CDH9: variants seen among roughly 807,000 people sequenced by gnomAD.
CDH9 encodes the protein cadherin-9.
A neutral mutation model predicts 70.9 loss-of-function variants in CDH9; 28 were observed. The ratio of observed to expected loss-of-function variants is 0.40; its 90% CI spans 0.29 to 0.54. CDH9 has a LOEUF of 0.54. Ranked by LOEUF, CDH9 falls within the 20% of genes least tolerant of loss-of-function variation. CDH9 has a pLI of 0.59. For synonymous variants in CDH9, 409 were observed against 343.1 expected, an observed-to-expected ratio of 1.19 and a Z score of -2.12; for missense variants, 874 against 984.4, an observed-to-expected ratio of 0.89 and a Z score of 1.50.
At position 26,988,130 on chromosome 5, in the gene CDH9, A is replaced by T. The variant is rs1561030340; in HGVS notation, c.204T>A (p.Gly68=). ...CCTTGCCTACATATTGTGTGTCAGT[A>T]CCTGTGTACTCTTCCAATAAGAAGA... ...NQFFLLEEYT[G]TDTQYVGKLH... is the part of the protein sequence containing the mutation. Residue 68 remains glycine, a synonymous_variant, in exon 2 of 12, where the codon GGT becomes GGA. Transcript: ENST00000231021. 6.2e-7 allele frequency: 1 copy of T among 1,612,324 alleles called. No individual in the cohort carries two copies. The highest frequency in any genetic ancestry group is 1.7e-5 in the Admixed American group (1 of 59,870).
chr5:26,974,191 G>C (rs1742267048), intron 2 of CDH9, among the ~76,000 whole-genome samples: 1 of 152,118 alleles, frequency 6.6e-6, no homozygotes, highest in African/African-American at 2.4e-5. Context: ...TTGCAGAGAT[G>C]AGATTGCGCC....
intron 1 of CDH9, among the ~76,000 whole-genome samples, chr5:27,007,696 G>A (rs1382214894): frequency 1.3e-5 from 2 of 151,986 alleles, no homozygotes; most frequent in Non-Finnish European, 2.9e-5. Flanking sequence ...TAATATTTGT[G>A]TATCTTAATT....
intron 2 of CDH9, among the ~76,000 whole-genome samples, chr5:26,980,728 T>A (rs1579491549): frequency 1.3e-5 from 2 of 152,134 alleles, no homozygotes; most frequent in East Asian, 3.9e-4. Context: ...TTAAGCTAAA[T>A]ACAGTTTATG....
At chr5:26,964,508 A>T (rs1247119434) in intron 2 of CDH9, among the ~76,000 whole-genome samples, 1 of 152,218 alleles carries the variant, frequency 6.6e-6, no homozygotes, top group African/African-American at 2.4e-5. Flanking sequence ...CCAACCAATG[A>T]ACCAACCAAC....
intron 2 of CDH9, among the ~76,000 whole-genome samples, chr5:26,941,918 C>A (rs1415872549): frequency 6.6e-6 from 1 of 152,176 alleles, no homozygotes; most frequent in Non-Finnish European, 1.5e-5. Flanking sequence ...GAACTCTCTG[C>A]AGAGTGGCAC....
chr5:26,933,406 G>A (rs1366781071), intron 2 of CDH9, among the ~76,000 whole-genome samples: 3 of 151,746 alleles, frequency 2.0e-5, no homozygotes, highest in Admixed American at 1.3e-4. Context: ...TCGACAATGA[G>A]AGATCATAAA....
intron 6 of CDH9, 82 bp downstream of exon 6, chr5:26,903,555 C>G (rs779948720): frequency 1.1e-6 from 1 of 905,724 alleles, no homozygotes; most frequent in South Asian, 1.3e-5. Flanking sequence ...GAAAATAAAT[C>G]CCAGGCTTTT....
chr5:26,884,286 A>C (rs564339850), intron 11 of CDH9, among the ~76,000 whole-genome samples: 1 of 152,170 alleles, frequency 6.6e-6, no homozygotes, highest in East Asian at 1.9e-4. Context: ...TCAGTTCCCT[A>C]TGTGTGCATG....
At chr5:26,940,050 TCAGGAGACTGAGG>T (rs750657277) in intron 2 of CDH9, among the ~76,000 whole-genome samples, 68 of 151,654 alleles carry the variant, frequency 4.5e-4, no homozygotes, top group Non-Finnish European at 3.8e-4. Context: ...TCCCAGCTAG[TCAGGAGACTGAGG>T]CAGGAGACTG....
chr5:26,949,899 A>G (rs1382933), intron 2 of CDH9, among the ~76,000 whole-genome samples: 140,409 of 152,248 alleles, frequency 0.92, 64,798 homozygotes, highest in East Asian at 0.99. Context: ...GTGGAAAACA[A>G]CTTATTCATT....
intron 1 of CDH9, among the ~76,000 whole-genome samples, chr5:27,035,830 T>C (rs1313911550): frequency 1.3e-5 from 2 of 151,708 alleles, no homozygotes; most frequent in Non-Finnish European, 2.9e-5. Context: ...AATGTGCCTT[T>C]GAGTGAGCAA....
At chr5:26,905,809 GTGT>G in intron 5 of CDH9, 147 bp downstream of exon 5, 2 of 522,150 alleles carry the variant, frequency 3.8e-6, no homozygotes, top group Non-Finnish European at 6.5e-6. Flanking sequence ...GTGGGAAATT[GTGT>G]TTTTTTTTTG....
At chr5:26,946,528 A>G (rs977437161) in intron 2 of CDH9, among the ~76,000 whole-genome samples, 7 of 152,184 alleles carry the variant, frequency 4.6e-5, no homozygotes, top group Admixed American at 4.6e-4. Flanking sequence ...TTTGCTAGTA[A>G]GTGGCAAGTT....
intron 2 of CDH9, among the ~76,000 whole-genome samples, chr5:26,970,401 T>C (rs1456534346): frequency 6.6e-6 from 1 of 152,096 alleles, no homozygotes; most frequent in Non-Finnish European, 1.5e-5. Flanking sequence ...TAGGTTTATC[T>C]ATAGTTTTCT....
chr5:26,908,225 T>G (rs1463210969), intron 3 of CDH9, among the ~76,000 whole-genome samples: 1 of 152,164 alleles, frequency 6.6e-6, no homozygotes, highest in Non-Finnish European at 1.5e-5. Flanking sequence ...AGCTGTAAGC[T>G]TTTATCATTA....
In CDH9 at chr5:26,915,857, C is replaced by T. The variant is rs1741138960; in HGVS notation, c.296G>A (p.Ser99Asn). ...KYILTGDGAG[S>N]LFVIDENTGD... ...TGTATTTTCATCTATAACAAATAGA[C>T]TGCCAGCCCCATCTCCTGTTAGTAT... Residue 99 changes from serine to asparagine, a missense_variant, in exon 3 of 12, where the codon AGT (serine) becomes AAT (asparagine). Coordinates refer to ENST00000231021, the MANE Select transcript of CDH9 (RefSeq NM_016279.4). 6.2e-7 allele frequency: 1 copy of T among 1,611,882 alleles called. No homozygotes were observed. Among genetic ancestry groups the T allele is most frequent in the Admixed American group, 1.7e-5 (1 of 59,970 alleles).
At chr5:26,900,739 T>C (rs897879961) in intron 7 of CDH9, among the ~76,000 whole-genome samples, 1 of 152,096 alleles carries the variant, frequency 6.6e-6, no homozygotes, top group Non-Finnish European at 1.5e-5. Flanking sequence ...GTAGGATTTC[T>C]AGCATAAAAA....
At chr5:26,893,340 G>A (rs6895743) in intron 7 of CDH9, among the ~76,000 whole-genome samples, 36,694 of 151,862 alleles carry the variant, frequency 0.24, 5,074 homozygotes, top group East Asian at 0.58. Context: ...TCTCAGTGGT[G>A]GAATGGCTAA....
At chr5:27,007,296 A>T in intron 1 of CDH9, among the ~76,000 whole-genome samples, 1 of 152,056 alleles carries the variant, frequency 6.6e-6, no homozygotes, top group Non-Finnish European at 1.5e-5. Context: ...TTCAGCCCAA[A>T]CTGTTAGCCA....
Sources: allele counts gnomAD v4.1 joint callset (sites outside exome capture counted in the v4.1 genomes callset), GRCh38; gene constraint gnomAD v4.1.1; transcripts MANE v1.5; gene names NCBI Gene and HGNC (gene_info 2026-07-23, HGNC 2026-07-21).